USP9X: variants seen among roughly 807,000 people sequenced by gnomAD.
The protein encoded by USP9X is ubiquitin carboxyl-terminal hydrolase 9X.
Under a neutral mutation model 190.3 loss-of-function variants are expected in USP9X, and 7 were observed. The observed-to-expected ratio is 0.04, with a 90% CI of 0.02 to 0.07. USP9X has a LOEUF of 0.07. USP9X is among the 10% of genes least tolerant of loss of function. USP9X has a pLI of 1.00. For missense variants in USP9X, 1,010 were observed against 1,916.9 expected, an observed-to-expected ratio of 0.53 and a Z score of 8.83; for synonymous variants, 645 against 659.5, an observed-to-expected ratio of 0.98 and a Z score of 0.34.
chrX:41,156,539 T>C (rs2062580512), intron 14 of USP9X, among the ~76,000 whole-genome samples: 1 of 112,145 alleles, frequency 8.9e-6, no homozygotes, highest in Non-Finnish European at 1.9e-5. Flanking sequence ...AATATTGGGC[T>C]CTGATTATCC....
chrX:41,131,831 A>G (rs1396712924), intron 4 of USP9X, among the ~76,000 whole-genome samples: 4 of 111,836 alleles, frequency 3.6e-5, no homozygotes, highest in Non-Finnish European at 5.6e-5. Flanking sequence ...TGTTATGGGA[A>G]ATACTATACA....
At chrX:41,142,668 T>C (rs1189967271) in intron 9 of USP9X, among the ~76,000 whole-genome samples, 1 of 111,755 alleles carries the variant, frequency 8.9e-6, no homozygotes. Flanking sequence ...GTATCATGAG[T>C]TAGCACTTTA....
chrX:41,222,026 G>C (rs2063267934), intron 38 of USP9X, among the ~76,000 whole-genome samples: 1 of 111,344 alleles, frequency 9.0e-6, no homozygotes, highest in Non-Finnish European at 1.9e-5. Context: ...ATTTACTGAG[G>C]GGAAACACAG....
intron 39 of USP9X, among the ~76,000 whole-genome samples, chrX:41,223,775 A>G (rs770477221): frequency 8.9e-6 from 1 of 111,942 alleles, no homozygotes; most frequent in South Asian, 3.7e-4. Flanking sequence ...GGGCATATAT[A>G]GTACTAAGAG....
intron 3 of USP9X, among the ~76,000 whole-genome samples, chrX:41,130,207 T>G (rs1308913010): frequency 9.0e-6 from 1 of 111,684 alleles, no homozygotes; most frequent in Non-Finnish European, 1.9e-5. Context: ...AATTCCATTG[T>G]TTTTAATTAT....
chrX:41,232,674 T>C lies in USP9X; in HGVS notation c.*150T>C. On this transcript the variant is annotated 3_prime_UTR_variant, in exon 45 of 45. Transcript: ENST00000378308. ...TTATTCACTGTCTTATCTGCAGAAA[T>C]TTGCTGTCAATATATAACCCGCCTG... The C allele has an allele frequency of 1.2e-6, 1 of 802,582 alleles. No homozygotes were observed. 66.1% of individuals were successfully genotyped at this position (802,582 alleles called of 1,213,427 possible).
At chrX:41,190,048 T>C (rs1378918851) in intron 26 of USP9X, 1 of 112,085 alleles carries the variant, frequency 8.9e-6, no homozygotes, top group East Asian at 2.8e-4. Context: ...GATCTTCGTA[T>C]ATGGTAACTT....
At chrX:41,152,653 A>G (rs2062538944) in intron 13 of USP9X, among the ~76,000 whole-genome samples, 2 of 112,094 alleles carry the variant, frequency 1.8e-5, no homozygotes, top group South Asian at 7.4e-4. Flanking sequence ...ATAATTACAT[A>G]ACATAAGTGC....
rs1006101450 is a variant in USP9X, at chrX:41,234,063, A to G, written c.*1539A>G. The G allele has an allele frequency of 9.8e-6, 1 of 102,370 alleles. No individual in the cohort carries two copies. Among genetic ancestry groups the G allele is most frequent in the African/African-American group, 3.7e-5 (1 of 27,011 alleles). The allele number at this position is 102,370 out of a possible 1,213,427, so 8.4% of individuals were successfully genotyped here. On this transcript the variant is annotated 3_prime_UTR_variant, in exon 45 of 45. Transcript: ENST00000378308. ...TTTTGTCCTTTTTTTTTTTTTTTAA[A>G]AGAGGACTGCATATTAAAATTCATT...
chrX:41,125,734 G>GCT (rs1257734482), intron 2 of USP9X, among the ~76,000 whole-genome samples: 57 of 97,083 alleles, frequency 5.9e-4, no homozygotes, highest in African/African-American at 2.0e-3. Context: ...ACGCGCGCGC[G>GCT]CTCTCTCTCT....
chrX:41,118,851 G>A (rs993696173), intron 1 of USP9X, among the ~76,000 whole-genome samples: 1 of 111,549 alleles, frequency 9.0e-6, no homozygotes, highest in East Asian at 2.8e-4. Context: ...AGAACTGTAC[G>A]AACTGCCACT....
intron 14 of USP9X, among the ~76,000 whole-genome samples, chrX:41,159,538 CT>C (rs957556890): frequency 1.0e-5 from 1 of 99,954 alleles, no homozygotes; most frequent in Non-Finnish European, 2.1e-5. Context: ...TTTTTTTTTT[CT>C]TTTTTTTTGA....
At chrX:41,189,641 G>T (rs2062913385) in intron 26 of USP9X, 166 bp downstream of exon 26, 1 of 414,854 alleles carries the variant, frequency 2.4e-6, no homozygotes, top group Non-Finnish European at 3.9e-6. Context: ...CTAAATGTTT[G>T]GTTTTAGTCT....
intron 31 of USP9X, among the ~76,000 whole-genome samples, chrX:41,204,428 T>C (rs928604531): frequency 2.7e-5 from 3 of 109,813 alleles, no homozygotes; most frequent in Non-Finnish European, 5.7e-5. Flanking sequence ...TTTTTTTTTT[T>C]TAACAGTTCT....
intron 41 of USP9X, among the ~76,000 whole-genome samples, chrX:41,228,528 T>C (rs150927026): frequency 1.3e-3 from 148 of 112,324 alleles, no homozygotes; most frequent in Non-Finnish European, 2.3e-3. Context: ...CTCCAAATTA[T>C]GTCACTGAAT....
At chrX:41,125,684 A>ACTCT (rs1555918325) in intron 2 of USP9X, among the ~76,000 whole-genome samples, 1,519 of 18,908 alleles carry the variant, frequency 0.08, 69 homozygotes, top group Non-Finnish European at 0.11. Flanking sequence ...ACACACACAC[A>ACTCT]CTCTCTCTCT....
At chrX:41,205,619 C>G in intron 32 of USP9X, 126 bp downstream of exon 32, 1 of 595,087 alleles carries the variant, frequency 1.7e-6, no homozygotes, top group Non-Finnish European at 2.3e-6. Flanking sequence ...TTCAAACTGT[C>G]CTTAATTGGG....
At chrX:41,165,525 C>G (rs1353856672) in intron 15 of USP9X, among the ~76,000 whole-genome samples, 2 of 112,031 alleles carry the variant, frequency 1.8e-5, no homozygotes. Context: ...TGTGCCCAGC[C>G]TAAGTCTTTT....
At chrX:41,087,490 A>G (rs1288830960) in intron 1 of USP9X, among the ~76,000 whole-genome samples, 1 of 112,369 alleles carries the variant, frequency 8.9e-6, no homozygotes, top group East Asian at 2.8e-4. Flanking sequence ...GTTTCAGCAA[A>G]TACCTTCAAA....
Sources: gnomAD v4.1 joint callset for allele counts (sites outside exome capture counted in the v4.1 genomes callset) on GRCh38, gnomAD v4.1.1 for gene constraint, MANE v1.5 for transcripts, NCBI Gene and HGNC (gene_info 2026-07-23, HGNC 2026-07-21) for gene names.